LRRC3B: variants seen among roughly 807,000 people sequenced by gnomAD.
LRRC3B encodes the protein leucine rich repeat containing 3B.
In LRRC3B, 2 loss-of-function variants were observed where a neutral mutation model predicts 12.8. The observed-to-expected ratio is 0.16, with a 90% CI of 0.06 to 0.49. The LOEUF (loss-of-function observed/expected upper bound fraction) is 0.49, where lower values mean the gene tolerates loss of function less well. LRRC3B is among the 20% of genes least tolerant of loss of function. LRRC3B has a pLI of 0.96. For synonymous variants in LRRC3B, 132 were observed against 122.0 expected, an observed-to-expected ratio of 1.08 and a Z score of -0.54; for missense variants, 189 against 319.4, an observed-to-expected ratio of 0.59 and a Z score of 3.11.
chr3:26,650,244 T>C lies in LRRC3B; in HGVS notation c.-161+27007T>C, dbSNP rs1028074015. ...ACCTGCTCTCAAAAGTAAGGTTATGTCCTTTCTAAAAACCATCAGGGCCGT... is the reference window on the plus strand; with the variant it reads ...ACCTGCTCTCAAAAGTAAGGTTATGCCCTTTCTAAAAACCATCAGGGCCGT... On this transcript the variant is annotated intron_variant, in intron 1 of 1. Coordinates refer to ENST00000396641, the Ensembl canonical transcript of LRRC3B. Among the ~76,000 whole-genome samples the C allele has an allele frequency of 1.1e-4, 17 of 152,324 alleles. 1 individual carries two copies. Among genetic ancestry groups the C allele is most frequent in the African/African-American group, 4.1e-4 (17 of 41,584 alleles).
rs567752649 is a variant in LRRC3B at position 26,700,810 on chromosome 3, G to C, written c.-160-8703G>C. On this transcript the variant is annotated intron_variant, in intron 1 of 1. Coordinates refer to ENST00000396641, the Ensembl canonical transcript of LRRC3B. ...GGACTTCAGTTAAGTTCTTGCCTCT[G>C]TCATTTAGCTGTAGTTACCATAAAT... 3.9e-5 allele frequency among the ~76,000 whole-genome samples: 6 copies of C among 152,188 alleles called. No individual in the cohort carries two copies. In the South Asian group the frequency reaches 6.2e-4, roughly 16 times the overall value.
At chr3:26,629,748 A>G (rs1241052487) in intron 1 of LRRC3B, among the ~76,000 whole-genome samples, 1 of 152,150 alleles carries the variant, frequency 6.6e-6, no homozygotes, top group Non-Finnish European at 1.5e-5. Flanking sequence ...TTGTTATTTT[A>G]ACTGTGGCTC....
At chr3:26,703,946 A>T (rs1700520775) in intron 1 of LRRC3B, among the ~76,000 whole-genome samples, 1 of 151,990 alleles carries the variant, frequency 6.6e-6, no homozygotes, top group Non-Finnish European at 1.5e-5. Flanking sequence ...TATCTTTTAA[A>T]TATTTATTGT....
At chr3:26,694,981 C>T (rs748179147) in intron 1 of LRRC3B, among the ~76,000 whole-genome samples, 55 of 152,166 alleles carry the variant, frequency 3.6e-4, no homozygotes, top group Non-Finnish European at 5.0e-4. Context: ...CAGAACCGTC[C>T]CCTAAAGGTA....
At chr3:26,666,966 G>T (rs998650303) in intron 1 of LRRC3B, among the ~76,000 whole-genome samples, 1 of 152,098 alleles carries the variant, frequency 6.6e-6, no homozygotes. Flanking sequence ...ACTAAAAAGA[G>T]CGGTATTACT....
At chr3:26,625,840 A>G (rs1410575248) in intron 1 of LRRC3B, among the ~76,000 whole-genome samples, 1 of 152,230 alleles carries the variant, frequency 6.6e-6, no homozygotes, top group East Asian at 1.9e-4. Flanking sequence ...TAACCCTCAC[A>G]ACAACCCTGA....
chr3:26,690,417 A>T (rs1039247550), intron 1 of LRRC3B, among the ~76,000 whole-genome samples: 1 of 152,108 alleles, frequency 6.6e-6, no homozygotes, highest in African/African-American at 2.4e-5. Flanking sequence ...GGAGAATGCC[A>T]ATCTGGTTTT....
chr3:26,671,373 T>TATATATATATATATAGAGAGAG (rs1261897533), intron 1 of LRRC3B, among the ~76,000 whole-genome samples: 1 of 28,256 alleles, frequency 3.5e-5, no homozygotes, highest in Non-Finnish European at 6.0e-5. Flanking sequence ...TATATATATA[T>TATATATATATATATAGAGAGAG]AGAGAGAGAG....
intron 1 of LRRC3B, among the ~76,000 whole-genome samples, chr3:26,652,768 T>G (rs1699291351): frequency 6.6e-6 from 1 of 152,182 alleles, no homozygotes; most frequent in Admixed American, 6.5e-5. Flanking sequence ...AAGTACATAA[T>G]TTTTTATTTA....
intron 1 of LRRC3B, among the ~76,000 whole-genome samples, chr3:26,699,529 G>A (rs1700401852): frequency 6.6e-6 from 1 of 152,090 alleles, no homozygotes; most frequent in South Asian, 2.1e-4. Context: ...CACCAACCCA[G>A]TGAATATTAT....
intron 1 of LRRC3B, among the ~76,000 whole-genome samples, chr3:26,676,424 T>C (rs1033603286): frequency 1.3e-5 from 2 of 152,186 alleles, no homozygotes; most frequent in African/African-American, 4.8e-5. Context: ...TCATCATTTT[T>C]TATGGCTGCA....
intron 1 of LRRC3B, among the ~76,000 whole-genome samples, chr3:26,645,246 G>T (rs1486391864): frequency 6.6e-6 from 1 of 152,094 alleles, no homozygotes; most frequent in Non-Finnish European, 1.5e-5. Context: ...TGAGAACTTG[G>T]ATAAAATTTT....
chr3:26,647,896 A>G (rs1699186412), intron 1 of LRRC3B, among the ~76,000 whole-genome samples: 1 of 152,166 alleles, frequency 6.6e-6, no homozygotes, highest in Non-Finnish European at 1.5e-5. Context: ...CCCCGCGCCA[A>G]GCTTTGCTTA....
intron 1 of LRRC3B, among the ~76,000 whole-genome samples, chr3:26,638,664 C>T (rs1204839500): frequency 3.3e-5 from 5 of 152,218 alleles, no homozygotes; most frequent in Non-Finnish European, 5.9e-5. Flanking sequence ...CTAAAGTTTG[C>T]AATTGACTTC....
At chr3:26,706,988 T>C (rs2125464543) in intron 1 of LRRC3B, among the ~76,000 whole-genome samples, 1 of 152,188 alleles carries the variant, frequency 6.6e-6, no homozygotes, top group East Asian at 1.9e-4. Flanking sequence ...CTATGCTGGG[T>C]GTTGGGAATG....
chr3:26,706,116 T>G (rs1489304714), intron 1 of LRRC3B, among the ~76,000 whole-genome samples: 1 of 152,186 alleles, frequency 6.6e-6, no homozygotes, highest in African/African-American at 2.4e-5. Flanking sequence ...GATGGCTCTC[T>G]TCTCTCTGTT....
At chr3:26,643,211 G>C (rs1238790735) in intron 1 of LRRC3B, among the ~76,000 whole-genome samples, 1 of 151,788 alleles carries the variant, frequency 6.6e-6, no homozygotes, top group African/African-American at 2.4e-5. Context: ...AGGGACTCAG[G>C]AATCCAGAAT....
intron 1 of LRRC3B, among the ~76,000 whole-genome samples, chr3:26,634,496 G>T (rs1044815593): frequency 6.6e-6 from 1 of 152,190 alleles, no homozygotes; most frequent in African/African-American, 2.4e-5. Flanking sequence ...TTGAATGTCT[G>T]TGTGTCAAAG....
chr3:26,707,737 C>G (rs1700634799), intron 1 of LRRC3B, among the ~76,000 whole-genome samples: 1 of 150,272 alleles, frequency 6.7e-6, no homozygotes, highest in African/African-American at 2.5e-5. Context: ...GTTGCCTTGT[C>G]CTTCTACTCC....
Sources: gnomAD v4.1 joint callset for allele counts (sites outside exome capture counted in the v4.1 genomes callset) on GRCh38, gnomAD v4.1.1 for gene constraint, MANE v1.5 for transcripts, NCBI Gene and HGNC (gene_info 2026-07-23, HGNC 2026-07-21) for gene names.